The following CYFIP2 variants were observed in gnomAD, a reference collection of about 807,000 sequenced individuals.
CYFIP2 encodes cytoplasmic FMR1-interacting protein 2.
CYFIP2 carries 29 observed loss-of-function variants against 158.7 expected under a neutral mutation model. The ratio of observed to expected loss-of-function variants is 0.18; its 90% confidence interval spans 0.14 to 0.25. The LOEUF (loss-of-function observed/expected upper bound fraction) is 0.25. CYFIP2 is among the 10% of genes least tolerant of loss of function. CYFIP2 has a pLI of 1.00. For synonymous variants in CYFIP2, 585 were observed against 617.6 expected (o/e 0.95, Z 0.78); for missense variants, 852 against 1,639.5 (o/e 0.52, Z 8.29).
intron 21 of CYFIP2, among the ~76,000 whole-genome samples, chr5:157,338,484 C>T (rs572081113): frequency 1.4e-4 from 22 of 152,394 alleles, no homozygotes; most frequent in African/African-American, 5.3e-4. Flanking sequence ...AGTTACTTAA[C>T]TTCTCAAAGC....
intron 1 of CYFIP2, among the ~76,000 whole-genome samples, chr5:157,275,289 C>T (rs1030111630): frequency 4.6e-5 from 7 of 152,062 alleles, no homozygotes; most frequent in South Asian, 2.1e-4. Flanking sequence ...AGTTTTAGCT[C>T]TTACATAGAT....
At chr5:157,342,888 C>G in intron 23 of CYFIP2, 1 of 1,613,382 alleles carries the variant, frequency 6.2e-7, no homozygotes, top group Non-Finnish European at 8.5e-7. Flanking sequence ...GGCAGTATAG[C>G]GGGTGGGTCA....
At chr5:157,268,185 T>G (rs1397545500) in intron 1 of CYFIP2, among the ~76,000 whole-genome samples, 1 of 152,268 alleles carries the variant, frequency 6.6e-6, no homozygotes, top group Non-Finnish European at 1.5e-5. Context: ...ATTAGCTCTC[T>G]GCTCACTAAG....
intron 18 of CYFIP2, among the ~76,000 whole-genome samples, chr5:157,326,642 G>A (rs1005861990): frequency 3.9e-5 from 6 of 152,232 alleles, no homozygotes; most frequent in African/African-American, 1.2e-4. Context: ...GGAAGCCAGG[G>A]AAGAGAGCAC....
At chr5:157,293,010 ATATGTATGTATG>A (rs57500401) in intron 3 of CYFIP2, among the ~76,000 whole-genome samples, 3,225 of 144,334 alleles carry the variant, frequency 0.022, 121 homozygotes, top group African/African-American at 0.073. Context: ...TTGAGCCCAG[ATATGTATGTATG>A]TATGTATGTA....
intron 25 of CYFIP2, among the ~76,000 whole-genome samples, chr5:157,360,928 C>A (rs1763769015): frequency 1.3e-5 from 2 of 152,202 alleles, no homozygotes; most frequent in Admixed American, 1.3e-4. Context: ...AGTGCTGGAT[C>A]TGTGTGATTC....
At chr5:157,300,199 G>A (rs555196817) in intron 5 of CYFIP2, among the ~76,000 whole-genome samples, 1 of 152,246 alleles carries the variant, frequency 6.6e-6, no homozygotes, top group East Asian at 1.9e-4. Context: ...GAATGCATTG[G>A]TTTGAGTCAC....
chr5:157,369,879 G>GTTTTGTTTTTTTTTTT (rs534240919), intron 26 of CYFIP2, among the ~76,000 whole-genome samples: 10 of 103,304 alleles, frequency 9.7e-5, no homozygotes, highest in African/African-American at 2.0e-4. Context: ...AATGGACCTA[G>GTTTTGTTTTTTTTTTT]TTTTTTTTTT....
chr5:157,383,215 T>C, intron 27 of CYFIP2, 50 bp from the exon 28 acceptor site: 1 of 1,546,474 alleles, frequency 6.5e-7, no homozygotes. Context: ...CTTCCCCAGT[T>C]GCCCTGTGTT....
intron 26 of CYFIP2, among the ~76,000 whole-genome samples, chr5:157,375,072 G>C (rs1380032314): frequency 1.3e-5 from 2 of 152,182 alleles, no homozygotes; most frequent in Non-Finnish European, 2.9e-5. Flanking sequence ...TTCCCAACTT[G>C]AGACTTGTTA....
intron 24 of CYFIP2, 34 bp from the exon 25 acceptor site, chr5:157,360,248 T>G (rs1275487169): frequency 1.3e-6 from 2 of 1,584,444 alleles, no homozygotes; most frequent in African/African-American, 2.7e-5. Context: ...TAGCCCAGAA[T>G]TCAGCCCACT....
chr5:157,384,177 C>T (rs1405203772), intron 28 of CYFIP2: 14 of 410,586 alleles, frequency 3.4e-5, no homozygotes, highest in South Asian at 1.8e-4. Context: ...GTACGAGTCA[C>T]GATGAACATC....
intron 28 of CYFIP2, among the ~76,000 whole-genome samples, chr5:157,388,588 A>T (rs1207772888): frequency 3.9e-5 from 6 of 152,242 alleles, no homozygotes; most frequent in African/African-American, 1.4e-4. Flanking sequence ...GTGTGATTGT[A>T]CATTGTCAAT....
intron 15 of CYFIP2, chr5:157,322,891 G>A: frequency 6.8e-7 from 1 of 1,459,970 alleles, no homozygotes; most frequent in Non-Finnish European, 9.3e-7. Flanking sequence ...CCTCTTCCCT[G>A]TCTCTCCTGC....
At chr5:157,383,734 G>A (rs1003997623) in intron 28 of CYFIP2, among the ~76,000 whole-genome samples, 2 of 152,042 alleles carry the variant, frequency 1.3e-5, no homozygotes, top group African/African-American at 2.4e-5. Context: ...AACACTTAAC[G>A]GAACACTAGA....
chr5:157,285,651 T>A (rs1019609938), intron 2 of CYFIP2, among the ~76,000 whole-genome samples, 173 bp downstream of exon 2: 2 of 152,204 alleles, frequency 1.3e-5, no homozygotes, highest in Non-Finnish European at 2.9e-5. Context: ...GATTAGCTAC[T>A]AAATGTGCCG....
In CYFIP2 at chr5:157,324,088, C is replaced by A; in HGVS notation, c.1825+14C>A. ...TCAACATCAGTGGTGAGCTGCATCC[C>A]ATCCCTGCTAAGGCATGGGAGGAGG... On this transcript the variant is annotated intron_variant, in intron 16 of 30. Transcript: ENST00000620254. The A allele has an allele frequency of 6.2e-7, 1 of 1,604,452 alleles. No individual in the cohort carries two copies. The highest frequency in any genetic ancestry group is 1.1e-5 in the South Asian group (1 of 90,118).
chr5:157,391,818 T>C (rs1190590177), intron 30 of CYFIP2, among the ~76,000 whole-genome samples: 8 of 141,962 alleles, frequency 5.6e-5, no homozygotes, highest in Admixed American at 5.1e-4. Context: ...GATCGTATGG[T>C]AATTCTATGT....
intron 16 of CYFIP2, among the ~76,000 whole-genome samples, chr5:157,325,095 C>T (rs1760913728): frequency 6.6e-6 from 1 of 152,122 alleles, no homozygotes; most frequent in Admixed American, 6.5e-5. Context: ...CTGCCTCAGC[C>T]TCCCAAAGTG....
Sources: allele counts gnomAD v4.1 joint callset (sites outside exome capture counted in the v4.1 genomes callset), GRCh38; gene constraint gnomAD v4.1.1; transcripts MANE v1.5; gene names NCBI Gene and HGNC (gene_info 2026-07-23, HGNC 2026-07-21).